Variants in CCDC7 observed in about 807,000 individuals in gnomAD.
CCDC7 encodes the protein coiled-coil domain containing 7, also known as coiled-coil domain-containing protein 7.
A neutral mutation model predicts 196.9 loss-of-function variants in CCDC7; 183 were observed. The ratio of observed to expected loss-of-function variants is 0.93; its 90% CI spans 0.82 to 1.05. CCDC7 has a LOEUF of 1.05. Among genes scored for constraint, CCDC7 ranks in the 50% least tolerant of loss-of-function variants. The probability of loss-of-function intolerance (pLI) is 0.00; values close to 1 mark genes in which losing one functional copy is unlikely to be tolerated. For synonymous variants in CCDC7, 525 were observed against 484.6 expected (o/e 1.08, Z -1.10); for missense variants, 1,540 against 1,482.2 (o/e 1.04, Z -0.64).
At chr10:32,756,938 C>T (rs1471108528) in intron 28 of CCDC7, among the ~76,000 whole-genome samples, 1 of 152,138 alleles carries the variant, frequency 6.6e-6, no homozygotes, top group Non-Finnish European at 1.5e-5. Flanking sequence ...AAAGAAAAAG[C>T]AGGAGTTGCA....
At chr10:32,730,644 T>C (rs2083805416) in intron 28 of CCDC7, among the ~76,000 whole-genome samples, 1 of 152,018 alleles carries the variant, frequency 6.6e-6, no homozygotes, top group South Asian at 2.1e-4. Flanking sequence ...GATGTATTTA[T>C]ATGCTTATAT....
chr10:32,876,254 T>C, intron 41 of CCDC7, 93 bp from the exon 43 acceptor site: 1 of 890,306 alleles, frequency 1.1e-6, no homozygotes, highest in South Asian at 1.6e-5. Flanking sequence ...TATTCATACA[T>C]TCTGTTTTCC....
chr10:32,615,599 G>A (rs908341950), intron 18 of CCDC7, among the ~76,000 whole-genome samples: 1 of 151,930 alleles, frequency 6.6e-6, no homozygotes, highest in Admixed American at 6.6e-5. Context: ...TAATTTACAA[G>A]TATTTTTTTC....
At position 32,452,214 on chromosome 10, in the gene CCDC7, G is replaced by T. The variant is rs113051033; in HGVS notation, c.279+293G>T. On this transcript the variant is annotated intron_variant, in intron 1 of 41. Coordinates refer to ENST00000639629, the Ensembl canonical transcript of CCDC7. Reference sequence around the variant, plus strand: ...ACTCAGTGCCCTGGGATTTATTGGGGGTTGTTTACTATTCACTCTGTGCTT... The same window carrying T: ...ACTCAGTGCCCTGGGATTTATTGGGTGTTGTTTACTATTCACTCTGTGCTT... 5.8e-4 allele frequency among the ~76,000 whole-genome samples: 89 copies of T among 152,244 alleles called. 1 individual carries two copies. Among genetic ancestry groups the T allele is most frequent in the African/African-American group, 2.0e-3 (85 of 41,536 alleles).
upstream of CCDC7, among the ~76,000 whole-genome samples, chr10:32,446,939 TTCCC>T (rs2031378203): frequency 2.2e-5 from 1 of 45,812 alleles, no homozygotes; most frequent in African/African-American, 6.7e-5. Context: ...CCTTCCCCTC[TTCCC>T]TTCCTCCCTC....
At chr10:32,598,473 C>T (rs1317898121) in intron 18 of CCDC7, among the ~76,000 whole-genome samples, 1 of 152,178 alleles carries the variant, frequency 6.6e-6, no homozygotes, top group Non-Finnish European at 1.5e-5. Flanking sequence ...GATGCCCTGC[C>T]CTGCTCCGTG....
chr10:32,620,138 G>C (rs1257768414), intron 18 of CCDC7, among the ~76,000 whole-genome samples: 1 of 151,770 alleles, frequency 6.6e-6, no homozygotes, highest in Non-Finnish European at 1.5e-5. Context: ...GGCCAGGCTG[G>C]TCTCGATCTC....
intron 28 of CCDC7, among the ~76,000 whole-genome samples, chr10:32,753,009 A>T (rs1171975822): frequency 6.6e-6 from 1 of 152,202 alleles, no homozygotes; most frequent in Non-Finnish European, 1.5e-5. Flanking sequence ...ATGCAATTTA[A>T]TATGGGAAAT....
At chr10:32,697,705 A>G (rs1044545250) in intron 24 of CCDC7, among the ~76,000 whole-genome samples, 1 of 152,216 alleles carries the variant, frequency 6.6e-6, no homozygotes, top group Non-Finnish European at 1.5e-5. Context: ...CCGCAGCTCA[A>G]CAAGGCCTGC....
chr10:32,636,734 G>A (rs1258302070), intron 20 of CCDC7, among the ~76,000 whole-genome samples: 2 of 152,142 alleles, frequency 1.3e-5, no homozygotes, highest in Non-Finnish European at 2.9e-5. Flanking sequence ...AATCCTTTGG[G>A]TATATACCCA....
chr10:32,563,316 A>C (rs1461032278), intron 13 of CCDC7, among the ~76,000 whole-genome samples: 7 of 152,166 alleles, frequency 4.6e-5, no homozygotes, highest in African/African-American at 1.2e-4. Context: ...GTTCATATGG[A>C]ACCAAAAAAG....
At chr10:32,477,095 G>T (rs2039112548) in intron 8 of CCDC7, among the ~76,000 whole-genome samples, 1 of 151,828 alleles carries the variant, frequency 6.6e-6, no homozygotes, top group South Asian at 2.1e-4. Context: ...TGTGCTTTAG[G>T]TGTTGTGTGT....
intron 18 of CCDC7, among the ~76,000 whole-genome samples, chr10:32,603,892 A>T (rs374893917): frequency 6.6e-6 from 1 of 152,108 alleles, no homozygotes; most frequent in Non-Finnish European, 1.5e-5. Context: ...ATTTTCTCTC[A>T]TTCAACAAGC....
At position 32,778,912 on chromosome 10, in the gene CCDC7, G is replaced by T. The variant is rs1348676733; in HGVS notation, c.2906-65G>T. 22 of 1,177,260 alleles carry T rather than the reference G, an allele frequency of 1.9e-5. No homozygotes were observed. The East Asian group carries it at 2.3e-4, about 12-fold the overall frequency. The allele number at this position is 1,177,260 out of a possible 1,614,324, so 72.9% of individuals were successfully genotyped here. ...TTTCACCTTCTTGGTTACATGCATT[G>T]CTAGGTGTTTCACAAAATGTTAGTT... On this transcript the variant is annotated intron_variant, in intron 28 of 41. Coordinates refer to ENST00000639629, the Ensembl canonical transcript of CCDC7.
intron 29 of CCDC7, among the ~76,000 whole-genome samples, chr10:32,784,665 G>A (rs1260768984): frequency 6.7e-6 from 1 of 149,686 alleles, no homozygotes; most frequent in Non-Finnish European, 1.5e-5. Flanking sequence ...TTCGCCTCCC[G>A]GATTCAAGCG....
At chr10:32,707,052 A>T (rs1054619192) in intron 24 of CCDC7, among the ~76,000 whole-genome samples, 3 of 152,252 alleles carry the variant, frequency 2.0e-5, no homozygotes, top group African/African-American at 7.2e-5. Flanking sequence ...CCTGATGAAC[A>T]TCGATGCAAA....
At position 32,874,472 on chromosome 10, in the gene CCDC7, A is replaced by ATGTCCTATGT; in HGVS notation, c.4112-1875_4112-1874insTGTCCTATGT. On this transcript the variant is annotated intron_variant, in intron 41 of 41. Transcript: ENST00000639629. ...CTTCTGAGCCTCCAGTGTCCATTAT[A>ATGTCCTATGT]CCACTCTGTATGCCTTTGTGTGCAC... 2.6e-5 allele frequency among the ~76,000 whole-genome samples: 4 copies of ATGTCCTATGT among 151,616 alleles called. No homozygotes were observed. The Admixed American group carries it at 2.6e-4, about 10-fold the overall frequency.
In CCDC7 at chr10:32,493,343, T is replaced by C. The variant is rs1437337616; in HGVS notation, c.872+1346T>C. ...GTTGCAGATGACAGGATTTCCTTCTTTTTAAGGCTGGATAATATTTTATAT... is the reference window on the plus strand; with the variant it reads ...GTTGCAGATGACAGGATTTCCTTCTCTTTAAGGCTGGATAATATTTTATAT... On this transcript the variant is annotated intron_variant, in intron 9 of 41. Transcript: ENST00000639629. 2.6e-5 allele frequency among the ~76,000 whole-genome samples: 4 copies of C among 151,164 alleles called. No individual in the cohort carries two copies. The East Asian group carries it at 7.7e-4, about 29-fold the overall frequency.
chr10:32,603,732 G>T (rs1352146435), intron 18 of CCDC7, among the ~76,000 whole-genome samples: 10 of 151,526 alleles, frequency 6.6e-5, no homozygotes, highest in African/African-American at 1.7e-4. Context: ...TTAAATATTT[G>T]CTGCCTGCTT....
Sources: gnomAD v4.1 joint callset for allele counts (sites outside exome capture counted in the v4.1 genomes callset) on GRCh38, gnomAD v4.1.1 for gene constraint, MANE v1.5 for transcripts, NCBI Gene and HGNC (gene_info 2026-07-23, HGNC 2026-07-21) for gene names.